The following RERE variants were observed in gnomAD, a reference collection of about 807,000 sequenced individuals.
RERE encodes the protein arginine-glutamic acid dipeptide repeats, also known as arginine-glutamic acid dipeptide repeats protein.
A neutral mutation model predicts 146.1 loss-of-function variants in RERE; 40 were observed. That is an observed-to-expected ratio of 0.27 (90% confidence interval 0.21 to 0.36). The LOEUF (loss-of-function observed/expected upper bound fraction) is 0.36. Ranked by LOEUF, RERE falls within the 10% of genes least tolerant of loss-of-function variation. RERE has a pLI of 1.00. For missense variants in RERE, 1,933 were observed against 2,138.7 expected, an observed-to-expected ratio of 0.90 and a Z score of 1.90; for synonymous variants, 1,003 against 866.0, an observed-to-expected ratio of 1.16 and a Z score of -2.78.
intron 12 of RERE, among the ~76,000 whole-genome samples, chr1:8,402,348 T>C (rs1643291212): frequency 6.6e-6 from 1 of 152,108 alleles, no homozygotes; most frequent in African/African-American, 2.4e-5. Flanking sequence ...GTAAAGAAGA[T>C]CACAGCTGTT....
intron 12 of RERE, among the ~76,000 whole-genome samples, chr1:8,372,976 T>C (rs1642098864): frequency 6.6e-6 from 1 of 152,208 alleles, no homozygotes; most frequent in South Asian, 2.1e-4. Context: ...AAGCTTCTCA[T>C]GGATAACAGG....
intron 12 of RERE, among the ~76,000 whole-genome samples, chr1:8,371,480 C>A (rs1642034253): frequency 6.6e-6 from 1 of 152,144 alleles, no homozygotes; most frequent in South Asian, 2.1e-4. Context: ...ACCAGGCAAT[C>A]TGGGTGAAGG....
intron 3 of RERE, among the ~76,000 whole-genome samples, chr1:8,615,602 C>T (rs983644611): frequency 6.6e-6 from 1 of 152,010 alleles, no homozygotes; most frequent in African/African-American, 2.4e-5. Context: ...TATATAAGAA[C>T]CTGTCTTACG....
At chr1:8,422,883 A>G in intron 11 of RERE, 76 bp from the exon 12 acceptor site, 2 of 1,051,618 alleles carry the variant, frequency 1.9e-6, no homozygotes, top group Non-Finnish European at 1.5e-6. Flanking sequence ...GATATCTACA[A>G]TCAGCAGAAT....
intron 6 of RERE, among the ~76,000 whole-genome samples, chr1:8,554,683 A>G (rs1645983235): frequency 6.6e-6 from 1 of 150,780 alleles, no homozygotes; most frequent in Non-Finnish European, 1.5e-5. Flanking sequence ...TGTCTCAAAA[A>G]AAAAAAAAAA....
At position 8,558,659 on chromosome 1, in the gene RERE, C is replaced by A. The variant is rs201636223; in HGVS notation, c.523-1136G>T. Among the ~76,000 whole-genome samples, 5 of 152,236 alleles carry A rather than the reference C, an allele frequency of 3.3e-5. No individual in the cohort carries two copies. The East Asian group carries it at 7.7e-4, about 24-fold the overall frequency. On this transcript the variant is annotated intron_variant, in intron 4 of 22. Transcript: ENST00000400908. ...GAGCAAGTCACAAATATAGCCAACA[C>A]TAAAACACCAGGAAGGTTCCAAAAA...
intron 1 of RERE, among the ~76,000 whole-genome samples, chr1:8,757,707 C>T (rs1640669321): frequency 6.6e-6 from 1 of 152,112 alleles, no homozygotes; most frequent in South Asian, 2.1e-4. Flanking sequence ...CCTTTTTTCA[C>T]TCTAAAGTAT....
chr1:8,453,898 A>C (rs994003549), intron 11 of RERE, among the ~76,000 whole-genome samples: 1 of 152,222 alleles, frequency 6.6e-6, no homozygotes, highest in Non-Finnish European at 1.5e-5. Flanking sequence ...CTAATTAATT[A>C]GAGGCCCTAT....
At chr1:8,625,335 G>C (rs1341829090) in intron 2 of RERE, among the ~76,000 whole-genome samples, 1 of 152,168 alleles carries the variant, frequency 6.6e-6, no homozygotes, top group Non-Finnish European at 1.5e-5. Context: ...TGGCTATAGA[G>C]AGAGTTAACC....
intron 1 of RERE, among the ~76,000 whole-genome samples, chr1:8,800,399 G>A (rs926923938): frequency 3.3e-5 from 5 of 152,084 alleles, no homozygotes; most frequent in African/African-American, 9.7e-5. Context: ...CACTCAGAAC[G>A]AAGTATTCCA....
intron 12 of RERE, among the ~76,000 whole-genome samples, chr1:8,411,640 G>C (rs941472125): frequency 6.6e-6 from 1 of 152,098 alleles, no homozygotes; most frequent in Non-Finnish European, 1.5e-5. Context: ...ACATGACATG[G>C]AAACAAATGG....
chr1:8,506,666 G>A (rs1645253619), intron 8 of RERE, among the ~76,000 whole-genome samples: 1 of 152,148 alleles, frequency 6.6e-6, no homozygotes, highest in Admixed American at 6.5e-5. Context: ...CTTTCCTCAT[G>A]GTTTAGAAAT....
chr1:8,603,525 A>C (rs565776092), intron 4 of RERE, among the ~76,000 whole-genome samples: 23 of 152,362 alleles, frequency 1.5e-4, no homozygotes, highest in African/African-American at 5.5e-4. Flanking sequence ...CTATTAAATT[A>C]ATGTTGGTAG....
chr1:8,427,637 T>TAA (rs33996085), intron 11 of RERE, among the ~76,000 whole-genome samples: 28,331 of 116,002 alleles, frequency 0.24, 4,055 homozygotes, highest in East Asian at 0.75. Context: ...GGCCCCACTT[T>TAA]AAAAAAAAAA....
chr1:8,525,704 GA>G, intron 7 of RERE: 1 of 1,528,458 alleles, frequency 6.5e-7, no homozygotes. Context: ...TCAGAAGTGA[GA>G]AAGAGCAGCA....
chr1:8,365,750 G>A (rs946422196), intron 13 of RERE, 62 bp downstream of exon 13: 2 of 1,580,270 alleles, frequency 1.3e-6, no homozygotes, highest in African/African-American at 2.7e-5. Flanking sequence ...GGCCCAGAGT[G>A]GGACAGGCTG....
chr1:8,388,534 T>A (rs1231644717), intron 12 of RERE, among the ~76,000 whole-genome samples: 1 of 152,118 alleles, frequency 6.6e-6, no homozygotes, highest in Admixed American at 6.5e-5. Context: ...TTAGCCAGGA[T>A]GGTCTCGATC....
At chr1:8,671,465 G>A (rs1286277491) in intron 1 of RERE, among the ~76,000 whole-genome samples, 4 of 152,144 alleles carry the variant, frequency 2.6e-5, no homozygotes, top group South Asian at 4.1e-4. Flanking sequence ...TGATTTCCAC[G>A]CTAGAAGACA....
At chr1:8,602,183 G>A (rs905053874) in intron 4 of RERE, among the ~76,000 whole-genome samples, 2 of 152,114 alleles carry the variant, frequency 1.3e-5, no homozygotes, top group Non-Finnish European at 2.9e-5. Flanking sequence ...AAGGTCAAGC[G>A]ATCGAGACCA....
Sources: allele counts gnomAD v4.1 joint callset (sites outside exome capture counted in the v4.1 genomes callset), GRCh38; gene constraint gnomAD v4.1.1; transcripts MANE v1.5; gene names NCBI Gene and HGNC (gene_info 2026-07-23, HGNC 2026-07-21).